Variants in TEX14 observed in about 807,000 individuals in gnomAD.
TEX14 encodes testis expressed 14, intercellular bridge forming factor.
In TEX14, 168 loss-of-function variants were observed where a neutral mutation model predicts 178.6. The observed-to-expected ratio is 0.94, with a 90% CI of 0.83 to 1.07. The LOEUF (loss-of-function observed/expected upper bound fraction) is 1.07, where lower values mean the gene tolerates loss of function less well. TEX14 is among the 50% of genes least tolerant of loss of function. The pLI is 0.00. For synonymous variants in TEX14, 626 were observed against 634.1 expected (o/e 0.99, Z 0.19); for missense variants, 1,730 against 1,753.6 (o/e 0.99, Z 0.24).
intron 8 of TEX14, among the ~76,000 whole-genome samples, 167 bp from the exon 9 acceptor site, chr17:58,613,711 A>T (rs1265244486): frequency 6.6e-6 from 1 of 151,728 alleles, no homozygotes; most frequent in African/African-American, 2.4e-5. Context: ...CCCAGTCTGG[A>T]GTGCAGTGGG....
intron 2 of TEX14, among the ~76,000 whole-genome samples, chr17:58,645,951 G>A (rs1162362057): frequency 6.6e-6 from 1 of 151,990 alleles, no homozygotes; most frequent in African/African-American, 2.4e-5. Flanking sequence ...ATCATCTCTA[G>A]ATTATTTATA....
intron 10 of TEX14, 78 bp from the exon 11 acceptor site, chr17:58,605,207 A>T (rs2045578780): frequency 6.7e-7 from 1 of 1,491,976 alleles, no homozygotes; most frequent in Non-Finnish European, 9.1e-7. Context: ...TCATTCTTTC[A>T]TTCATTCAGA....
At chr17:58,625,171 C>A (rs1343580194) in intron 3 of TEX14, among the ~76,000 whole-genome samples, 1 of 151,070 alleles carries the variant, frequency 6.6e-6, no homozygotes, top group African/African-American at 2.4e-5. Flanking sequence ...TCGCTCTTGT[C>A]CCCCAGGCTG....
rs201930117 is a variant in TEX14, at chr17:58,585,785, C to T, written c.3070+16G>A. The T allele has an allele frequency of 1.3e-4, 206 of 1,612,854 alleles. No homozygotes were observed. The highest frequency in any genetic ancestry group is 1.7e-4 in the Non-Finnish European group (196 of 1,179,136). The stretch of plus-strand genomic sequence containing the variant: ...TGATTGAGTTCACCTATCCTGATTC[C>T]CGCAAGTGAACTTACTGGTGAAGCT... On this transcript the variant is annotated intron_variant, in intron 18 of 31. Transcript: ENST00000349033.
At chr17:58,560,372 G>C (rs751474623) in intron 29 of TEX14, among the ~76,000 whole-genome samples, 2 of 152,174 alleles carry the variant, frequency 1.3e-5, no homozygotes, top group Non-Finnish European at 2.9e-5. Flanking sequence ...GTTGGAGGAG[G>C]CCTTTGGGTT....
intron 19 of TEX14, chr17:58,581,475 C>T: frequency 1.0e-6 from 1 of 976,116 alleles, no homozygotes; most frequent in Non-Finnish European, 1.5e-6. Context: ...TCATATCACA[C>T]TCCTGACACC....
Position 58,602,512 on chromosome 17 carries a change from A to T in TEX14, c.1415T>A (p.Val472Asp). ...ATCATAGTAAGGTTTCGGAAGCCTG[A>T]CATCAGCTTCTAAATAATTCCCCGA... Reference protein sequence around the residue: ...VVSGNYLEADVRLPKPYYDIV... With the variant: ...VVSGNYLEADDRLPKPYYDIV... The change falls in exon 12 of 32, where the codon GTC becomes GAC. Residue 472 changes from valine to aspartate, a missense_variant. Val to Asp is a radical substitution (Grantham distance 152). Coordinates refer to ENST00000349033, the MANE Select transcript of TEX14 (RefSeq NM_031272.5). 1.2e-6 allele frequency: 2 copies of T among 1,614,064 alleles called. No individual in the cohort carries two copies. The highest frequency in any genetic ancestry group is 1.7e-6 in the Non-Finnish European group (2 of 1,180,012).
At chr17:58,637,311 T>C (rs2046457603) in intron 2 of TEX14, among the ~76,000 whole-genome samples, 1 of 152,224 alleles carries the variant, frequency 6.6e-6, no homozygotes, top group South Asian at 2.1e-4. Flanking sequence ...TAAAACTCTT[T>C]GAACCTCTGG....
chr17:58,670,666 G>A (rs1284993248), intron 1 of TEX14, among the ~76,000 whole-genome samples: 1 of 147,720 alleles, frequency 6.8e-6, no homozygotes, highest in African/African-American at 2.5e-5. Context: ...CCAGCTACTT[G>A]AGAGGCTGAG....
chr17:58,645,029 A>G (rs2046670312), intron 2 of TEX14, among the ~76,000 whole-genome samples: 1 of 140,722 alleles, frequency 7.1e-6, no homozygotes, highest in African/African-American at 2.7e-5. Flanking sequence ...TCTGTCACCC[A>G]GGCTGGAGTG....
At chr17:58,678,789 G>A (rs574382728) in intron 1 of TEX14, among the ~76,000 whole-genome samples, 79 of 148,656 alleles carry the variant, frequency 5.3e-4, no homozygotes, top group Non-Finnish European at 9.3e-4. Context: ...AAACCTGCAC[G>A]TTGTGCACAT....
rs771476811 is a variant in TEX14 at position 58,587,958 on chromosome 17, G to A, written c.2640C>T (p.Phe880=). Residue 880 remains phenylalanine, a synonymous_variant, in exon 16 of 32, where the codon TTC becomes TTT. Transcript: ENST00000349033. ...AKATQFNSAL[F]TLSSHRQGPS... is the part of the protein sequence containing the mutation. ...GTCCCTGCCGGTGGCTTGACAGAGT[G>A]AAGAGTGCACTATTAAACTGTGTGG... 5 of 1,611,382 alleles carry A rather than the reference G, an allele frequency of 3.1e-6. No individual in the cohort carries two copies. In the South Asian group the frequency reaches 4.4e-5, roughly 14 times the overall value.
intron 10 of TEX14, 31 bp from the exon 11 acceptor site, chr17:58,605,160 A>G (rs2045576711): frequency 6.2e-7 from 1 of 1,606,896 alleles, no homozygotes. Flanking sequence ...GTCAGCGCTC[A>G]TGCCTTAAAG....
Position 58,585,969 on chromosome 17 carries a change from G to C in TEX14, c.2902C>G (p.Leu968Val). Residue 968 changes from leucine (L) to valine (V), a missense_variant, in exon 18 of 32, where the codon CTG becomes GTG. Physicochemically the swap from Leu to Val is conservative, Grantham distance 32. Coordinates refer to ENST00000349033, the MANE Select transcript of TEX14 (RefSeq NM_031272.5). Reference protein sequence around the residue: ...ESEAENEPDALLQPPIRSPEN... With the variant: ...ESEAENEPDAVLQPPIRSPEN... ...GGGCTCCTAATGGGGGGCTGCAGCA[G>C]GGCGTCGGGCTCATTTTCAGCCTCG... 1 of 1,614,126 alleles carries C rather than the reference G, an allele frequency of 6.2e-7. No individual in the cohort carries two copies. The highest frequency in any genetic ancestry group is 8.5e-7 in the Non-Finnish European group (1 of 1,180,022).
intron 31 of TEX14, 139 bp downstream of exon 31, chr17:58,557,660 A>T (rs1216413958): frequency 1.6e-6 from 1 of 638,168 alleles, no homozygotes; most frequent in East Asian, 2.7e-5. Context: ...AAACACTAAC[A>T]TTTTAAAAAT....
chr17:58,655,814 G>A (rs1309971603), intron 1 of TEX14, among the ~76,000 whole-genome samples: 4 of 152,152 alleles, frequency 2.6e-5, no homozygotes, highest in African/African-American at 9.7e-5. Context: ...AGGCGCATAA[G>A]CTGGCTTGCA....
At chr17:58,670,060 A>G (rs1036663516) in intron 1 of TEX14, among the ~76,000 whole-genome samples, 4 of 152,166 alleles carry the variant, frequency 2.6e-5, no homozygotes, top group African/African-American at 9.7e-5. Flanking sequence ...TTGCCTGTGT[A>G]GTTCCCCTTG....
At chr17:58,679,408 A>C (rs1348218691) in intron 1 of TEX14, 1 of 151,106 alleles carries the variant, frequency 6.6e-6, no homozygotes, top group East Asian at 1.9e-4. Context: ...GTGTGGAGAA[A>C]AAAATGACCA....
chr17:58,609,972 C>G (rs1333549380), intron 10 of TEX14, among the ~76,000 whole-genome samples: 1 of 152,172 alleles, frequency 6.6e-6, no homozygotes, highest in Non-Finnish European at 1.5e-5. Context: ...GTAGGTGGGT[C>G]TAGGCAAGGG....
Sources: allele counts gnomAD v4.1 joint callset (sites outside exome capture counted in the v4.1 genomes callset), GRCh38; gene constraint gnomAD v4.1.1; transcripts MANE v1.5; gene names NCBI Gene and HGNC (gene_info 2026-07-23, HGNC 2026-07-21).